The following ZNF461 variants were observed in gnomAD, a reference collection of about 807,000 sequenced individuals.
The protein encoded by ZNF461 is gonadotropin-inducible ovarian transcription factor-1.
ZNF461 carries 16 observed loss-of-function variants against 18.3 expected under a neutral mutation model. The ratio of observed to expected loss-of-function variants is 0.88; its 90% CI spans 0.59 to 1.33. The LOEUF is 1.33. Ranked by LOEUF, ZNF461 falls within the 40% of genes most tolerant of loss-of-function variation. The probability of loss-of-function intolerance (pLI) is 0.00; values close to 1 mark genes in which losing one functional copy is unlikely to be tolerated. For missense variants in ZNF461, 595 were observed against 669.9 expected (o/e 0.89, Z 1.23); for synonymous variants, 179 against 216.9 (o/e 0.83, Z 1.54).
chr19:36,639,052 A>T lies in ZNF461; in HGVS notation c.1293T>A (p.His431Gln), dbSNP rs1310381285. The change falls in exon 6 of 6, where the codon CAT (histidine) becomes CAA (glutamine). Residue 431 changes from histidine (H) to glutamine (Q), a missense_variant. By Grantham distance (24) the His-to-Gln change is conservative. Coordinates refer to ENST00000588268, the MANE Select transcript of ZNF461 (RefSeq NM_153257.5). ...GTTTCTCACCAGTATGAATCCTCTGATGTAGGGTTAGTTGTAAGCCATCAC... is the reference window on the plus strand; with the variant it reads ...GTTTCTCACCAGTATGAATCCTCTGTTGTAGGGTTAGTTGTAAGCCATCAC... ...AFCDGLQLTLHQRIHTGEKPY... is the reference protein window; with the variant it reads ...AFCDGLQLTLQQRIHTGEKPY... 1 of 1,613,970 alleles carries T rather than the reference A, an allele frequency of 6.2e-7. No individual in the cohort carries two copies. The highest frequency in any genetic ancestry group is 8.5e-7 in the Non-Finnish European group (1 of 1,179,992).
chr19:36,657,219 A>G (rs757263035), intron 3 of ZNF461, among the ~76,000 whole-genome samples: 13 of 151,804 alleles, frequency 8.6e-5, no homozygotes, highest in South Asian at 2.1e-4. Context: ...GGTGGCTCAC[A>G]CCTGTAATCC....
At chr19:36,640,173 G>T in intron 5 of ZNF461, 130 bp from the exon 6 acceptor site, 2 of 738,876 alleles carry the variant, frequency 2.7e-6, no homozygotes, top group Non-Finnish European at 4.1e-6. Flanking sequence ...ACTCTTAAAT[G>T]GGTAAAGGAG....
intron 4 of ZNF461, among the ~76,000 whole-genome samples, chr19:36,652,615 C>T (rs2037648906): frequency 6.6e-6 from 1 of 151,578 alleles, no homozygotes; most frequent in Non-Finnish European, 1.5e-5. Context: ...CACATACACA[C>T]ACCAAAAACA....
chr19:36,646,305 T>C (rs1342564222), intron 4 of ZNF461, among the ~76,000 whole-genome samples: 1 of 152,174 alleles, frequency 6.6e-6, no homozygotes, highest in Non-Finnish European at 1.5e-5. Context: ...TAATTTTTTG[T>C]ATTTTTAGTA....
In ZNF461 at chr19:36,638,618, A is replaced by G; in HGVS notation, c.*35T>C. 2.0e-6 allele frequency: 3 copies of G among 1,472,544 alleles called. No individual in the cohort carries two copies. The highest frequency in any genetic ancestry group is 2.7e-6 in the Non-Finnish European group (3 of 1,104,048). 91.2% of individuals were successfully genotyped at this position (1,472,544 alleles called of 1,614,324 possible). A position where few individuals can be genotyped will look rare whatever the true frequency, so the allele number is the denominator to read the frequency against. The stretch of plus-strand genomic sequence containing the variant: ...TGGCTTACCAACTTTTTCCTTAAAT[A>G]AAACAAAGACAATGTATATTTCCAT... On this transcript the variant is annotated 3_prime_UTR_variant, in exon 6 of 6. Transcript: ENST00000588268.
intron 4 of ZNF461, among the ~76,000 whole-genome samples, chr19:36,654,296 C>T (rs574387126): frequency 1.3e-5 from 2 of 152,190 alleles, no homozygotes; most frequent in East Asian, 3.9e-4. Context: ...CCTAGGGCTG[C>T]CATTAACAAA....
intron 1 of ZNF461, among the ~76,000 whole-genome samples, chr19:36,666,207 G>T (rs2037931938): frequency 6.6e-6 from 1 of 151,282 alleles, no homozygotes; most frequent in African/African-American, 2.4e-5. Context: ...CGATTCTCCT[G>T]CCTCAGCCTC....
intron 4 of ZNF461, among the ~76,000 whole-genome samples, chr19:36,652,496 G>A (rs1254565043): frequency 6.7e-5 from 8 of 119,142 alleles, no homozygotes; most frequent in African/African-American, 1.9e-4. Context: ...GCAAGACTCC[G>A]TCTCAAAAAA....
At position 36,657,977 on chromosome 19, in the gene ZNF461, C is replaced by G. The variant is rs532078709; in HGVS notation, c.136+322G>C. The G allele has an allele frequency of 1.8e-3, 482 of 264,602 alleles. 3 individuals carry two copies. The highest frequency in any genetic ancestry group is 0.01 in the African/African-American group (450 of 44,464). The allele number at this position is 264,602 out of a possible 1,614,324, so 16.4% of individuals were successfully genotyped here. A position where few individuals can be genotyped will look rare whatever the true frequency, so the allele number is the denominator to read the frequency against. Reference sequence around the variant, plus strand: ...TGCTAGTACACTAGCAGATTTAGCACAGTGGAAGTGAAACAAAAGACAGAG... The same window carrying G: ...TGCTAGTACACTAGCAGATTTAGCAGAGTGGAAGTGAAACAAAAGACAGAG... On this transcript the variant is annotated intron_variant, in intron 3 of 5. Coordinates refer to ENST00000588268, the MANE Select transcript of ZNF461 (RefSeq NM_153257.5).
intron 2 of ZNF461, among the ~76,000 whole-genome samples, chr19:36,662,182 T>A (rs1030815574): frequency 2.6e-5 from 4 of 151,200 alleles, no homozygotes; most frequent in African/African-American, 9.7e-5. Flanking sequence ...TCCATGTATT[T>A]CTAATTCATA....
Position 36,639,754 on chromosome 19 carries a change from A to G in ZNF461, c.591T>C (p.Cys197=). 3 of 1,613,334 alleles carry G rather than the reference A, an allele frequency of 1.9e-6. No individual in the cohort carries two copies. Among genetic ancestry groups the G allele is most frequent in the Non-Finnish European group, 2.5e-6 (3 of 1,179,608 alleles). ...DREKISECKK[C]RKIFSYHLFF... ...ATAAATGGTAACTGAAGATTTTTCT[A>G]CACTTTTTACATTCAGAGATTTTCT... is the stretch of plus-strand genomic sequence containing the variant. The change falls in exon 6 of 6, where the codon TGT becomes TGC. Residue 197 remains cysteine, a synonymous_variant. Coordinates refer to ENST00000588268, the MANE Select transcript of ZNF461 (RefSeq NM_153257.5).
chr19:36,643,719 CAT>C (rs1264243102), intron 5 of ZNF461, 73 bp downstream of exon 5: 2 of 1,391,732 alleles, frequency 1.4e-6, no homozygotes, highest in East Asian at 2.9e-5. Context: ...GGGGAATAAA[CAT>C]GTACTTTCAG....
rs931133147 is a variant in ZNF461 at position 36,642,988 on chromosome 19, C to T, written c.301+806G>A. 3.9e-5 allele frequency among the ~76,000 whole-genome samples: 6 copies of T among 152,084 alleles called. No homozygotes were observed. The South Asian group carries it at 6.2e-4, about 16-fold the overall frequency. ...TTCACCATGCTGGCCAGGCTGGTCT[C>T]GAACTCCCGACCTCAGGCCATCCAC... On this transcript the variant is annotated intron_variant, in intron 5 of 5. Transcript: ENST00000588268.
intron 2 of ZNF461, among the ~76,000 whole-genome samples, chr19:36,659,296 G>A (rs144556919): frequency 7.9e-5 from 12 of 152,348 alleles, no homozygotes; most frequent in Non-Finnish European, 1.2e-4. Context: ...AGAGCTGAGC[G>A]ATCCCTACTG....
Position 36,638,972 on chromosome 19 carries a change from CTT to C in ZNF461, c.1371_1372del (p.Arg458ThrfsTer8). The C allele has an allele frequency of 6.2e-7, 1 of 1,613,214 alleles. No individual in the cohort carries two copies. The highest frequency in any genetic ancestry group is 8.5e-7 in the Non-Finnish European group (1 of 1,179,832). ...CTCACCAGTATGAATTCTCTGATGT[CTT>C]TTGAGGTGTGAACACTGTCTAAAAG... On this transcript the variant is annotated frameshift_variant, in exon 6 of 6. Transcript: ENST00000588268. LOFTEE classifies it low-confidence loss of function (END_TRUNC).
At position 36,656,044 on chromosome 19, in the gene ZNF461, C is replaced by T. The variant is rs144714592; in HGVS notation, c.232+404G>A. On this transcript the variant is annotated intron_variant, in intron 4 of 5. Transcript: ENST00000588268. ...ACGGAGTCTCGTTCTGTCGCCCAGG[C>T]GGGAGTGCTGTGGCGCGATCTCCGC... 5.7e-3 allele frequency among the ~76,000 whole-genome samples: 816 copies of T among 142,858 alleles called. 23 individuals carry two copies. Among genetic ancestry groups the T allele is most frequent in the Admixed American group, 0.04 (545 of 13,548 alleles). 93.7% of individuals were successfully genotyped at this position (142,858 alleles called of 152,430 possible). A position where few individuals can be genotyped will look rare whatever the true frequency, so the allele number is the denominator to read the frequency against.
intron 3 of ZNF461, chr19:36,657,566 G>A (rs1190910123): frequency 6.6e-6 from 1 of 151,806 alleles, no homozygotes; most frequent in African/African-American, 2.4e-5. Flanking sequence ...ATCACCTGAG[G>A]TCGGGAGTTT....
rs1341905568 is a variant in ZNF461 at position 36,638,673 on chromosome 19, G to C, written c.1672C>G (p.His558Asp). The C allele has an allele frequency of 6.2e-7, 1 of 1,610,464 alleles. No individual in the cohort carries two copies. Residue 558 changes from histidine to aspartate, a missense_variant, in exon 6 of 6, where the codon CAT becomes GAT. Transcript: ENST00000588268. Reference protein sequence around the residue: ...KPVRFPLLPPHPSLAS With the variant: ...KPVRFPLLPPDPSLAS The stretch of plus-strand genomic sequence containing the variant: ...AAATTTCATGATGCTAGACTAGGAT[G>C]GGGAGGGAGGAGAGGAAACCTGACT...
In ZNF461 at chr19:36,645,834, G is replaced by A. The variant is rs567153654; in HGVS notation, c.233-1972C>T. On this transcript the variant is annotated intron_variant, in intron 4 of 5. Coordinates refer to ENST00000588268, the MANE Select transcript of ZNF461 (RefSeq NM_153257.5). ...GAGTCTAGCTCTGTTTCCCAAGCTG[G>A]AATGCAGTGGAGCGAACTCAGCTAA... Among the ~76,000 whole-genome samples, 5 of 152,212 alleles carry A rather than the reference G, an allele frequency of 3.3e-5. No individual in the cohort carries two copies. In the East Asian group the frequency reaches 5.8e-4, roughly 18 times the overall value.
Sources: allele counts gnomAD v4.1 joint callset (sites outside exome capture counted in the v4.1 genomes callset), GRCh38; gene constraint gnomAD v4.1.1; transcripts MANE v1.5; gene names NCBI Gene and HGNC (gene_info 2026-07-23, HGNC 2026-07-21).